Variants in SEC14L1 observed in about 807,000 individuals in gnomAD.
SEC14L1 encodes SEC14 like lipid binding 1.
In SEC14L1, 48 loss-of-function variants were observed where a neutral mutation model predicts 85.3. That is an observed-to-expected ratio of 0.56 (90% CI 0.45 to 0.72). The LOEUF (loss-of-function observed/expected upper bound fraction) is 0.72. SEC14L1 is among the 30% of genes least tolerant of loss of function. The pLI is 0.00. For synonymous variants in SEC14L1, 391 were observed against 355.5 expected (o/e 1.10, Z -1.12); for missense variants, 682 against 921.4 (o/e 0.74, Z 3.36).
At chr17:77,137,066 T>C (rs547988564), upstream of SEC14L1, among the ~76,000 whole-genome samples, 6 of 152,210 alleles carry the variant, frequency 3.9e-5, no homozygotes, top group African/African-American at 1.4e-4. Context: ...TGTGCCACCA[T>C]GCCTGGTTAA....
At chr17:77,149,856 G>GTTT (rs201022692) in intron 3 of SEC14L1, among the ~76,000 whole-genome samples, 2 of 123,930 alleles carry the variant, frequency 1.6e-5, no homozygotes, top group East Asian at 2.4e-4. Flanking sequence ...GCTGATTTGT[G>GTTT]TTTTTTTTTT....
intron 3 of SEC14L1, among the ~76,000 whole-genome samples, chr17:77,151,385 G>A (rs999870778): frequency 5.9e-5 from 9 of 152,170 alleles, no homozygotes; most frequent in African/African-American, 2.2e-4. Context: ...CTTTCATCAC[G>A]TGCTCCTTTG....
intron 3 of SEC14L1, chr17:77,185,410 A>G: frequency 1.0e-6 from 1 of 984,496 alleles, no homozygotes; most frequent in Non-Finnish European, 1.2e-6. Context: ...TGCAAATATG[A>G]GTCTACGTGG....
chr17:77,170,288 G>C (rs1290682383), intron 3 of SEC14L1, among the ~76,000 whole-genome samples: 1 of 152,160 alleles, frequency 6.6e-6, no homozygotes, highest in Non-Finnish European at 1.5e-5. Flanking sequence ...TGACTCTGGA[G>C]AGGATGGTGC....
At chr17:77,103,390 G>T (rs1971825507) in intron 3 of SEC14L1, among the ~76,000 whole-genome samples, 1 of 151,854 alleles carries the variant, frequency 6.6e-6, no homozygotes, top group Non-Finnish European at 1.5e-5. Flanking sequence ...CGGGATTACA[G>T]GCATGAGCTA....
At chr17:77,150,670 C>T (rs570729106) in intron 3 of SEC14L1, among the ~76,000 whole-genome samples, 13 of 152,182 alleles carry the variant, frequency 8.5e-5, no homozygotes, top group Non-Finnish European at 1.5e-4. Flanking sequence ...CACTTTCTGA[C>T]GGGCAGCTGT....
Position 77,194,883 on chromosome 17 carries a change from A to G in SEC14L1, c.681A>G (p.Ala227=). The G allele has an allele frequency of 6.2e-7, 1 of 1,614,142 alleles. No individual in the cohort carries two copies. The highest frequency in any genetic ancestry group is 8.5e-7 in the Non-Finnish European group (1 of 1,179,984). ...GTGATGCCCTCAGCAGCCCCAGCGCACCTGAGCCCGTGGTGGGCACCCCTG... is the reference window on the plus strand; with the variant it reads ...GTGATGCCCTCAGCAGCCCCAGCGCGCCTGAGCCCGTGGTGGGCACCCCTG... ...LSGDALSSPS[A]PEPVVGTPDD... Residue 227 remains alanine, a synonymous_variant, in exon 7 of 17, where the codon GCA becomes GCG. Transcript: ENST00000436233.
chr17:77,198,684 T>C lies in SEC14L1; in HGVS notation c.820-1800T>C, dbSNP rs1020375133. On this transcript the variant is annotated intron_variant, in intron 8 of 16. Transcript: ENST00000436233. ...CCGCCTCCTGGGTTCACGCCATTCT[T>C]CTGCTTCAGCCTCCCCAGTAGCTGG... 5.3e-5 allele frequency among the ~76,000 whole-genome samples: 8 copies of C among 151,580 alleles called. 1 individual carries two copies. Among genetic ancestry groups the C allele is most frequent in the African/African-American group, 1.5e-4 (6 of 41,358 alleles).
At chr17:77,207,024 A>G (rs779374293) in intron 13 of SEC14L1, among the ~76,000 whole-genome samples, 162 bp downstream of exon 13, 1 of 152,226 alleles carries the variant, frequency 6.6e-6, no homozygotes, top group Non-Finnish European at 1.5e-5. Context: ...GTTAAGCTAA[A>G]GAGAACCATT....
intron 3 of SEC14L1, among the ~76,000 whole-genome samples, chr17:77,118,746 G>A (rs944725857): frequency 4.6e-5 from 7 of 152,222 alleles, no homozygotes; most frequent in Non-Finnish European, 8.8e-5. Context: ...CGTGCATGCA[G>A]GCGGTGCACC....
intron 3 of SEC14L1, among the ~76,000 whole-genome samples, chr17:77,155,553 T>C (rs1973769299): frequency 6.6e-6 from 1 of 152,174 alleles, no homozygotes; most frequent in South Asian, 2.1e-4. Flanking sequence ...TTTGCTCTTC[T>C]GTAGCCTTGG....
intron 3 of SEC14L1, among the ~76,000 whole-genome samples, chr17:77,161,872 C>G (rs1598324432): frequency 2.7e-5 from 4 of 150,880 alleles, no homozygotes; most frequent in South Asian, 2.1e-4. Context: ...CTCCCCTCCC[C>G]TCCCTTCCTT....
chr17:77,214,017 C>T lies in SEC14L1; in HGVS notation c.2142C>T (p.Ser714=). The T allele has an allele frequency of 6.2e-7, 1 of 1,612,494 alleles. No individual in the cohort carries two copies. The highest frequency in any genetic ancestry group is 8.5e-7 in the Non-Finnish European group (1 of 1,179,836). The change falls in exon 17 of 17, where the codon TCC becomes TCT. Residue 714 remains serine (S), a synonymous_variant. Coordinates refer to ENST00000436233, the MANE Select transcript of SEC14L1 (RefSeq NM_001143998.2). ...AGTCCCACTCCAGCTCCATGATCTC[C>T]AGGTAGTGCCGCGCTGCCTGCACCT... ...SSQSHSSSMI[S]R is the part of the protein sequence containing the mutation.
In SEC14L1 at chr17:77,200,494, A is replaced by G. The variant is rs759963930; in HGVS notation, c.830A>G (p.Asp277Gly). 4 of 1,612,790 alleles carry G rather than the reference A, an allele frequency of 2.5e-6. No individual in the cohort carries two copies. The East Asian group carries it at 6.7e-5, about 27-fold the overall frequency. The change falls in exon 9 of 17, where the codon GAT (aspartate) becomes GGT (glycine). Residue 277 changes from aspartate to glycine, a missense_variant. Physicochemically the swap from Asp to Gly is moderately conservative, Grantham distance 94 (BLOSUM62 -1). Coordinates refer to ENST00000436233, the MANE Select transcript of SEC14L1 (RefSeq NM_001143998.2). ...QETHKGKIPK[D>G]EHILRFLRAR... ...TTTTTCTCTTAATAGATTCCAAAAG[A>G]TGAGCATATTCTTCGGTTCCTCCGT...
intron 3 of SEC14L1, among the ~76,000 whole-genome samples, chr17:77,157,838 T>C (rs1400733561): frequency 6.6e-6 from 1 of 152,166 alleles, no homozygotes; most frequent in Admixed American, 6.5e-5. Flanking sequence ...AACTTTTATT[T>C]AAAAGTTTTT....
chr17:77,176,831 C>T (rs1182324575), intron 3 of SEC14L1, among the ~76,000 whole-genome samples: 3 of 152,134 alleles, frequency 2.0e-5, no homozygotes, highest in Non-Finnish European at 4.4e-5. Context: ...AGGTGATCCG[C>T]CCACCTTGAC....
At chr17:77,196,786 A>G (rs1975829309) in intron 8 of SEC14L1, among the ~76,000 whole-genome samples, 1 of 152,208 alleles carries the variant, frequency 6.6e-6, no homozygotes, top group Admixed American at 6.5e-5. Flanking sequence ...GAAACTAGGC[A>G]TTGCATGTAT....
chr17:77,125,687 T>C (rs1319761134), intron 3 of SEC14L1, among the ~76,000 whole-genome samples: 1 of 152,236 alleles, frequency 6.6e-6, no homozygotes. Context: ...CACAGGCACC[T>C]ACCTCTGCTA....
intron 3 of SEC14L1, among the ~76,000 whole-genome samples, chr17:77,168,090 G>T (rs977979794): frequency 1.3e-5 from 2 of 152,164 alleles, no homozygotes; most frequent in African/African-American, 4.8e-5. Context: ...TGCGTGATTT[G>T]TAAGAGAAGG....
Sources: allele counts gnomAD v4.1 joint callset (sites outside exome capture counted in the v4.1 genomes callset), GRCh38; gene constraint gnomAD v4.1.1; transcripts MANE v1.5; gene names NCBI Gene and HGNC (gene_info 2026-07-23, HGNC 2026-07-21).